Variants in PSD3 observed in about 807,000 individuals in gnomAD.
The protein encoded by PSD3 is pleckstrin and Sec7 domain containing 3.
A neutral mutation model predicts 105.5 loss-of-function variants in PSD3; 49 were observed. That is an observed-to-expected ratio of 0.46 (90% CI 0.37 to 0.59). PSD3 has a LOEUF of 0.59. Ranked by LOEUF, PSD3 falls within the 20% of genes least tolerant of loss-of-function variation. PSD3 has a pLI of 0.00. For missense variants in PSD3, 1,561 were observed against 1,263.8 expected (o/e 1.24, Z -3.57); for synonymous variants, 557 against 457.8 (o/e 1.22, Z -2.77).
At chr8:18,615,224 C>T (rs1340603366) in intron 11 of PSD3, among the ~76,000 whole-genome samples, 2 of 151,908 alleles carry the variant, frequency 1.3e-5, no homozygotes, top group Non-Finnish European at 1.5e-5. Context: ...ACCCTACATT[C>T]CAATCACCTG....
chr8:18,565,095 G>A (rs907405898), intron 14 of PSD3, among the ~76,000 whole-genome samples: 1 of 152,086 alleles, frequency 6.6e-6, no homozygotes, highest in African/African-American at 2.4e-5. Context: ...GGAGCCACCT[G>A]CCGGCCTGGA....
At chr8:18,731,792 C>T (rs150168969) in intron 9 of PSD3, among the ~76,000 whole-genome samples, 5 of 152,284 alleles carry the variant, frequency 3.3e-5, no homozygotes, top group Admixed American at 1.3e-4. Flanking sequence ...CCTGGGAACA[C>T]TTGCCATTTG....
chr8:18,547,648 G>C (rs1293817450), intron 15 of PSD3, among the ~76,000 whole-genome samples: 1 of 152,066 alleles, frequency 6.6e-6, no homozygotes, highest in Admixed American at 6.5e-5. Flanking sequence ...TTTTGTGAGG[G>C]GCATAAGTGG....
intron 1 of PSD3, among the ~76,000 whole-genome samples, chr8:19,080,529 G>A (rs1362052737): frequency 6.6e-6 from 1 of 152,220 alleles, no homozygotes; most frequent in Non-Finnish European, 1.5e-5. Context: ...GTCTGCACAT[G>A]AGAAAATAGA....
At chr8:19,013,809 C>T (rs1482860420), upstream of PSD3, 3 of 165,272 alleles carry the variant, frequency 1.8e-5, no homozygotes, top group Non-Finnish European at 3.7e-5. Context: ...GCGGCGCAGG[C>T]GGGCCGGCGG....
intron 1 of PSD3, among the ~76,000 whole-genome samples, chr8:19,030,092 G>A (rs550591126): frequency 1.3e-5 from 2 of 152,244 alleles, no homozygotes; most frequent in African/African-American, 2.4e-5. Flanking sequence ...TCCCTATTAA[G>A]GAGAATGTTA....
chr8:18,695,885 T>A (rs1411841109), intron 9 of PSD3, among the ~76,000 whole-genome samples: 1 of 152,194 alleles, frequency 6.6e-6, no homozygotes, highest in African/African-American at 2.4e-5. Flanking sequence ...TTAACAATGA[T>A]AACTTCATGT....
chr8:18,850,995 C>T (rs1000178954), intron 4 of PSD3, among the ~76,000 whole-genome samples: 6 of 152,144 alleles, frequency 3.9e-5, no homozygotes, highest in African/African-American at 7.2e-5. Flanking sequence ...TCCACAAAAG[C>T]GAGACAAAGT....
chr8:19,013,616 C>A lies in PSD3; in HGVS notation c.-33G>T, dbSNP rs1330657410. Reference sequence around the variant, plus strand: ...CGCCAGCCCGGCCGCGCGCCGAAACCGCCGCCGGGCGCTCCGGGGCCGCAG... The same window carrying A: ...CGCCAGCCCGGCCGCGCGCCGAAACAGCCGCCGGGCGCTCCGGGGCCGCAG... On this transcript the variant is annotated 5_prime_UTR_variant, in exon 1 of 16. Coordinates refer to ENST00000327040, the MANE Select transcript of PSD3 (RefSeq NM_015310.4). The A allele has an allele frequency of 2.1e-6, 3 of 1,398,334 alleles. No individual in the cohort carries two copies. Among genetic ancestry groups the A allele is most frequent in the South Asian group, 1.5e-5 (1 of 65,892 alleles). The allele number at this position is 1,398,334 out of a possible 1,614,324, so 86.6% of individuals were successfully genotyped here. A position where few individuals can be genotyped will look rare whatever the true frequency, so the allele number is the denominator to read the frequency against.
At chr8:19,042,346 A>G (rs1488288783) in intron 1 of PSD3, among the ~76,000 whole-genome samples, 5 of 152,192 alleles carry the variant, frequency 3.3e-5, no homozygotes, top group African/African-American at 2.4e-5. Flanking sequence ...TGGCTTCCAC[A>G]TGAGGATAAG....
chr8:18,757,459 G>A (rs747161041), intron 9 of PSD3, among the ~76,000 whole-genome samples: 18 of 150,740 alleles, frequency 1.2e-4, no homozygotes, highest in Non-Finnish European at 1.2e-4. Context: ...GCAAGACTCC[G>A]TTGCAAACAA....
intron 1 of PSD3, among the ~76,000 whole-genome samples, chr8:19,054,002 A>C (rs1828620331): frequency 6.6e-6 from 1 of 152,242 alleles, no homozygotes; most frequent in Admixed American, 6.5e-5. Context: ...CCTTGAGCTT[A>C]CTTCTTCCTG....
chr8:18,747,575 C>G (rs1585816906), intron 9 of PSD3, among the ~76,000 whole-genome samples: 1 of 152,098 alleles, frequency 6.6e-6, no homozygotes, highest in Non-Finnish European at 1.5e-5. Context: ...AAAGAGGAAA[C>G]CAGAAACAGT....
chr8:18,896,779 C>G (rs1819177151), intron 2 of PSD3, among the ~76,000 whole-genome samples: 1 of 151,602 alleles, frequency 6.6e-6, no homozygotes, highest in Non-Finnish European at 1.5e-5. Flanking sequence ...TTCTCTTAAT[C>G]CCACTAGCAT....
chr8:18,740,495 C>G (rs1276498335), intron 9 of PSD3, among the ~76,000 whole-genome samples: 1 of 152,130 alleles, frequency 6.6e-6, no homozygotes, highest in Non-Finnish European at 1.5e-5. Context: ...TTTTAGCAGT[C>G]ACATTATTGC....
At chr8:18,805,040 T>C in intron 4 of PSD3, 142 bp from the exon 5 acceptor site, 1 of 757,586 alleles carries the variant, frequency 1.3e-6, no homozygotes, top group Non-Finnish European at 2.0e-6. Flanking sequence ...TCATAAAAAT[T>C]TTTTCAGTTA....
At chr8:18,980,947 A>C (rs1225787070) in intron 1 of PSD3, among the ~76,000 whole-genome samples, 1 of 152,102 alleles carries the variant, frequency 6.6e-6, no homozygotes, top group Non-Finnish European at 1.5e-5. Context: ...CCCCAACTGG[A>C]ATACCACCCT....
rs1336580728 is a variant in PSD3 at position 18,970,338 on chromosome 8, A to AAC, written c.22-34197_22-34196insGT. Among the ~76,000 whole-genome samples, 37 of 150,042 alleles carry AAC rather than the reference A, an allele frequency of 2.5e-4. No homozygotes were observed. The East Asian group carries it at 6.8e-3, about 28-fold the overall frequency. ...AGACTCTGCCTCAAAAAAAAAAAAA[A>AAC]AAAAAAAAAACAAAGAAAAGAAAAG... On this transcript the variant is annotated intron_variant, in intron 1 of 15. Transcript: ENST00000327040.
chr8:18,727,461 G>A (rs1803412925), intron 9 of PSD3, among the ~76,000 whole-genome samples: 1 of 150,542 alleles, frequency 6.6e-6, no homozygotes, highest in Non-Finnish European at 1.5e-5. Context: ...AGTAAGCCAC[G>A]ATTGTGCCAC....
Sources: allele counts gnomAD v4.1 joint callset (sites outside exome capture counted in the v4.1 genomes callset), GRCh38; gene constraint gnomAD v4.1.1; transcripts MANE v1.5; gene names NCBI Gene and HGNC (gene_info 2026-07-23, HGNC 2026-07-21).